ACTL8: variants seen among roughly 807,000 people sequenced by gnomAD.
ACTL8 encodes the protein actin-like protein 8.
A neutral mutation model predicts 9.3 loss-of-function variants in ACTL8; 3 were observed. The ratio of observed to expected loss-of-function variants is 0.32; its 90% confidence interval spans 0.15 to 0.83. The LOEUF (loss-of-function observed/expected upper bound fraction) is 0.83, where lower values mean the gene tolerates loss of function less well. ACTL8 is among the 40% of genes least tolerant of loss of function. The probability of loss-of-function intolerance (pLI) is 0.57; values close to 1 mark genes in which losing one functional copy is unlikely to be tolerated. For missense variants in ACTL8, 381 were observed against 492.2 expected, an observed-to-expected ratio of 0.77 and a Z score of 2.14; for synonymous variants, 224 against 205.9, an observed-to-expected ratio of 1.09 and a Z score of -0.75.
At chr1:17,812,007 C>A (rs747499292) in intron 1 of ACTL8, among the ~76,000 whole-genome samples, 1 of 135,374 alleles carries the variant, frequency 7.4e-6, no homozygotes, top group Non-Finnish European at 1.6e-5. Context: ...TGCCACTGAA[C>A]CTGGCTAATT....
Position 17,803,200 on chromosome 1 carries a change from C to T in ACTL8, c.-24-19785C>T, listed in dbSNP as rs987299222. ...TCTGATTGTTTTATAAGGGGTTTCC[C>T]GCCCCCCCTTTTGCTCGGCACTTCT... is the stretch of plus-strand genomic sequence containing the variant. On this transcript the variant is annotated intron_variant, in intron 1 of 2. Coordinates refer to ENST00000375406, the MANE Select transcript of ACTL8 (RefSeq NM_030812.3). Among the ~76,000 whole-genome samples, 9 of 151,800 alleles carry T rather than the reference C, an allele frequency of 5.9e-5. No individual in the cohort carries two copies. The South Asian group carries it at 6.3e-4, about 11-fold the overall frequency.
chr1:17,795,027 C>A (rs377724819), intron 1 of ACTL8, among the ~76,000 whole-genome samples: 3 of 152,216 alleles, frequency 2.0e-5, no homozygotes, highest in Admixed American at 6.5e-5. Context: ...GAGGCTTAAA[C>A]AATCCAATAG....
chr1:17,805,514 T>C (rs1287367624), intron 1 of ACTL8, among the ~76,000 whole-genome samples: 1 of 151,386 alleles, frequency 6.6e-6, no homozygotes, highest in East Asian at 1.9e-4. Context: ...CCCAAGTAGC[T>C]GGCCTACAGG....
At chr1:17,798,049 C>G (rs1253931878) in intron 1 of ACTL8, among the ~76,000 whole-genome samples, 1 of 150,404 alleles carries the variant, frequency 6.6e-6, no homozygotes, top group Non-Finnish European at 1.5e-5. Flanking sequence ...GATTGACAAT[C>G]TGTGTTACCT....
chr1:17,776,969 A>AT (rs765972298), intron 1 of ACTL8, among the ~76,000 whole-genome samples: 1,867 of 50,496 alleles, frequency 0.037, 414 homozygotes, highest in Middle Eastern at 0.054. Flanking sequence ...CTGGCTAATG[A>AT]TTTTTTTTTT....
At chr1:17,763,898 C>T (rs2066025695) in intron 1 of ACTL8, among the ~76,000 whole-genome samples, 1 of 152,184 alleles carries the variant, frequency 6.6e-6, no homozygotes, top group African/African-American at 2.4e-5. Context: ...CCATGCTTTA[C>T]CGGCTGATGA....
At chr1:17,812,426 C>T (rs1356041964) in intron 1 of ACTL8, among the ~76,000 whole-genome samples, 1 of 142,302 alleles carries the variant, frequency 7.0e-6, no homozygotes. Flanking sequence ...TATTTTTTTT[C>T]CTTTTTTTTT....
intron 1 of ACTL8, among the ~76,000 whole-genome samples, chr1:17,806,471 C>T (rs1202171566): frequency 6.6e-6 from 1 of 152,260 alleles, no homozygotes; most frequent in East Asian, 1.9e-4. Flanking sequence ...AAGTCTCCCT[C>T]TGTCCCTGGA....
At chr1:17,784,878 A>G (rs72648480) in intron 1 of ACTL8, among the ~76,000 whole-genome samples, 6,684 of 152,278 alleles carry the variant, frequency 0.044, 211 homozygotes, top group Non-Finnish European at 0.064. Context: ...TTACAAAAGA[A>G]AGAAGTTGAA....
rs147238146 is a variant in ACTL8, at chr1:17,805,727, C to A, written c.-24-17258C>A. On this transcript the variant is annotated intron_variant, in intron 1 of 2. Coordinates refer to ENST00000375406, the MANE Select transcript of ACTL8 (RefSeq NM_030812.3). ...CATACAGACATGCATACACACCCTCCACTCCAATGTCAGCTTCCTTAGGGC... is the reference window on the plus strand; with the variant it reads ...CATACAGACATGCATACACACCCTCAACTCCAATGTCAGCTTCCTTAGGGC... Among the ~76,000 whole-genome samples, 21 of 152,332 alleles carry A rather than the reference C, an allele frequency of 1.4e-4. 1 individual carries two copies. The highest frequency in any genetic ancestry group is 6.8e-3 in the Middle Eastern group (2 of 294).
intron 1 of ACTL8, among the ~76,000 whole-genome samples, chr1:17,770,509 T>TC (rs1382132144): frequency 1.3e-5 from 2 of 152,216 alleles, no homozygotes; most frequent in African/African-American, 4.8e-5. Flanking sequence ...TAGTCCCCAG[T>TC]CTGGAGGGTG....
At position 17,823,540 on chromosome 1, in the gene ACTL8, C is replaced by G. The variant is rs2124195702; in HGVS notation, c.348+184C>G. The stretch of plus-strand genomic sequence containing the variant: ...GGCAGATTGCTTGAGCCCAGGAGTT[C>G]AGGACCAGCCTGGGCAATATAGTGA... On this transcript the variant is annotated intron_variant, in intron 2 of 2. Transcript: ENST00000375406. This position sits in a 1 kb window ranked among gnomAD's most constrained non-coding sequence, Gnocchi z 5.3. Among the ~76,000 whole-genome samples the G allele has an allele frequency of 6.6e-6, 1 of 152,206 alleles. No homozygotes were observed. The highest frequency in any genetic ancestry group is 1.5e-5 in the Non-Finnish European group (1 of 68,004).
chr1:17,771,425 T>C (rs929389978), intron 1 of ACTL8, among the ~76,000 whole-genome samples: 1 of 152,216 alleles, frequency 6.6e-6, no homozygotes, highest in Non-Finnish European at 1.5e-5. Flanking sequence ...TAATGCCTAT[T>C]ATGTGTTTAT....
intron 1 of ACTL8, among the ~76,000 whole-genome samples, chr1:17,809,387 G>A (rs561698): frequency 0.57 from 85,942 of 151,924 alleles, 24,826 homozygotes; most frequent in East Asian, 0.75. Flanking sequence ...AGGGCTAGCC[G>A]GGGGTTCCAC....
At chr1:17,814,668 T>C (rs1389049572) in intron 1 of ACTL8, among the ~76,000 whole-genome samples, 2 of 152,112 alleles carry the variant, frequency 1.3e-5, no homozygotes, top group Admixed American at 6.5e-5. Context: ...CATACCATTA[T>C]GTTACAATCG....
intron 1 of ACTL8, among the ~76,000 whole-genome samples, chr1:17,802,710 TG>T (rs1204224163): frequency 6.6e-6 from 1 of 152,130 alleles, no homozygotes; most frequent in Non-Finnish European, 1.5e-5. Flanking sequence ...TGGCTGGGCA[TG>T]GCGGCTCATA....
chr1:17,818,466 A>C (rs901591207), intron 1 of ACTL8, among the ~76,000 whole-genome samples: 1 of 152,218 alleles, frequency 6.6e-6, no homozygotes, highest in Admixed American at 6.5e-5. Context: ...CACATCTGCA[A>C]GCATGATACA....
chr1:17,814,511 G>A (rs1450015458), intron 1 of ACTL8, among the ~76,000 whole-genome samples: 1 of 151,816 alleles, frequency 6.6e-6, no homozygotes, highest in Non-Finnish European at 1.5e-5. Flanking sequence ...ATACCCGTTT[G>A]TAGCATAGCA....
chr1:17,778,610 A>G (rs977294872), intron 1 of ACTL8, among the ~76,000 whole-genome samples: 5 of 152,206 alleles, frequency 3.3e-5, no homozygotes, highest in African/African-American at 9.6e-5. Context: ...TCTGCATTCT[A>G]GTCGCACAGC....
Sources: allele counts gnomAD v4.1 joint callset (sites outside exome capture counted in the v4.1 genomes callset), GRCh38; gene constraint gnomAD v4.1.1; non-coding constraint Gnocchi (gnomAD v3.1); transcripts MANE v1.5; gene names NCBI Gene and HGNC (gene_info 2026-07-23, HGNC 2026-07-21).